Variants in DOCK1 observed in about 807,000 individuals in gnomAD.
DOCK1 encodes dedicator of cytokinesis 1.
DOCK1 carries 138 observed loss-of-function variants against 262.7 expected under a neutral mutation model. The observed-to-expected ratio is 0.53, with a 90% CI of 0.46 to 0.61. The LOEUF (loss-of-function observed/expected upper bound fraction) is 0.61, where lower values mean the gene tolerates loss of function less well. Among genes scored for constraint, DOCK1 ranks in the 20% least tolerant of loss-of-function variants. The probability of loss-of-function intolerance (pLI) is 0.00; values close to 1 mark genes in which losing one functional copy is unlikely to be tolerated. For synonymous variants in DOCK1, 866 were observed against 867.4 expected, an observed-to-expected ratio of 1.00 and a Z score of 0.03; for missense variants, 1,908 against 2,370.7, an observed-to-expected ratio of 0.80 and a Z score of 4.05.
chr10:127,413,039 C>G (rs751547424), intron 43 of DOCK1, among the ~76,000 whole-genome samples: 12 of 152,208 alleles, frequency 7.9e-5, no homozygotes. Context: ...CAGTGGCTTT[C>G]AGAGCAGACT....
At chr10:127,444,330 C>T (rs370306111) in intron 50 of DOCK1, 51 bp downstream of exon 50, 3 of 1,531,540 alleles carry the variant, frequency 2.0e-6, no homozygotes, top group South Asian at 1.3e-5. Flanking sequence ...CCGTGACTTC[C>T]CCTCACTGAA....
At chr10:126,993,823 A>G (rs7922591) in intron 6 of DOCK1, among the ~76,000 whole-genome samples, 8,091 of 152,308 alleles carry the variant, frequency 0.053, 664 homozygotes, top group African/African-American at 0.18. Flanking sequence ...CCAGTGGTAC[A>G]GTGCTTGAGC....
At chr10:127,377,035 T>A (rs2182463) in intron 35 of DOCK1, among the ~76,000 whole-genome samples, 113,585 of 152,178 alleles carry the variant, frequency 0.75, 42,495 homozygotes, top group African/African-American at 0.81. Flanking sequence ...AAACACACCC[T>A]GGGTTCTCAA....
At chr10:127,004,765 C>A (rs1359851864) in intron 10 of DOCK1, among the ~76,000 whole-genome samples, 1 of 66,888 alleles carries the variant, frequency 1.5e-5, no homozygotes, top group Non-Finnish European at 3.3e-5. Context: ...CGGCCCCCTG[C>A]CCCGCCACCC....
intron 23 of DOCK1, among the ~76,000 whole-genome samples, chr10:127,071,332 G>T (rs935503271): frequency 1.3e-5 from 2 of 152,156 alleles, no homozygotes; most frequent in African/African-American, 2.4e-5. Flanking sequence ...AATTAATCAG[G>T]AGAGGTCTGG....
At position 127,107,564 on chromosome 10, in the gene DOCK1, G is replaced by A. The variant is rs992186010; in HGVS notation, c.2516+1263G>A. Among the ~76,000 whole-genome samples the A allele has an allele frequency of 3.9e-5, 6 of 152,162 alleles. 1 individual carries two copies. Among genetic ancestry groups the A allele is most frequent in the South Asian group, 4.1e-4 (2 of 4,830 alleles). ...CGGGCGGTGTCTGCCCACCTGGCGCGCTGTAGAGTCCTCTCCTTGGCACAT... is the reference window on the plus strand; with the variant it reads ...CGGGCGGTGTCTGCCCACCTGGCGCACTGTAGAGTCCTCTCCTTGGCACAT... On this transcript the variant is annotated intron_variant, in intron 24 of 51. Transcript: ENST00000623213.
intron 31 of DOCK1, among the ~76,000 whole-genome samples, chr10:127,349,618 A>G (rs58199146): frequency 0.026 from 4,017 of 152,254 alleles, 176 homozygotes; most frequent in African/African-American, 0.09. Context: ...GGTCTGCCAT[A>G]ACAGTGAACA....
In DOCK1 at chr10:127,358,426, T is replaced by G. The variant is rs767516044; in HGVS notation, c.3284-3638T>G. 2.8e-4 allele frequency among the ~76,000 whole-genome samples: 42 copies of G among 152,350 alleles called. 1 individual carries two copies. Among genetic ancestry groups the G allele is most frequent in the Admixed American group, 1.0e-3 (16 of 15,298 alleles). ...AAAGAAAAAAGGGGGGAAAATGTGC[T>G]TATTTACCCAGCTCCTGAGTTATTT... is the stretch of plus-strand genomic sequence containing the variant. On this transcript the variant is annotated intron_variant, in intron 32 of 51. Transcript: ENST00000623213.
chr10:126,970,320 A>G (rs892489125), intron 1 of DOCK1, among the ~76,000 whole-genome samples: 2 of 152,336 alleles, frequency 1.3e-5, no homozygotes, highest in African/African-American at 4.8e-5. Flanking sequence ...CAACATTGCT[A>G]TATGATAATT....
At position 127,125,488 on chromosome 10, in the gene DOCK1, C is replaced by T; in HGVS notation, c.2638C>T (p.Leu880=). The part of the protein sequence containing the change: ...LFTQHDCREI[L]LPMMTDQLKY... Reference sequence around the variant, plus strand: ...GTCCTGTGTAGACTGCAGAGAGATCCTGCTTCCCATGATGACCGATCAGCT... The same window carrying T: ...GTCCTGTGTAGACTGCAGAGAGATCTTGCTTCCCATGATGACCGATCAGCT... The change falls in exon 26 of 52, where the codon CTG becomes TTG. Residue 880 remains leucine (L), a synonymous_variant. Coordinates refer to ENST00000623213, the MANE Select transcript of DOCK1 (RefSeq NM_001290223.2). 6.2e-7 allele frequency: 1 copy of T among 1,613,358 alleles called. No homozygotes were observed. The highest frequency in any genetic ancestry group is 8.5e-7 in the Non-Finnish European group (1 of 1,179,840).
At chr10:127,182,979 T>C (rs2055875992) in intron 27 of DOCK1, among the ~76,000 whole-genome samples, 1 of 151,950 alleles carries the variant, frequency 6.6e-6, no homozygotes, top group Non-Finnish European at 1.5e-5. Flanking sequence ...CTCCCTTTTT[T>C]AGACTTAGTG....
chr10:127,208,879 G>C (rs2057842902), intron 27 of DOCK1, among the ~76,000 whole-genome samples: 1 of 152,136 alleles, frequency 6.6e-6, no homozygotes, highest in Non-Finnish European at 1.5e-5. Flanking sequence ...CAGTATTTTT[G>C]TGTTGCCTGT....
chr10:126,990,645 A>G (rs1591554786), intron 6 of DOCK1, 42 bp downstream of exon 6: 2 of 1,599,772 alleles, frequency 1.3e-6, no homozygotes, highest in Admixed American at 3.4e-5. Context: ...AAATTATCCA[A>G]TGTAATAACA....
At chr10:126,945,390 C>T (rs2035312976) in intron 1 of DOCK1, among the ~76,000 whole-genome samples, 1 of 151,504 alleles carries the variant, frequency 6.6e-6, no homozygotes, top group South Asian at 2.1e-4. Context: ...GGTTTTGTCA[C>T]AGCAGGTGAG....
At chr10:127,172,038 A>G (rs1169372642) in intron 27 of DOCK1, among the ~76,000 whole-genome samples, 3 of 152,154 alleles carry the variant, frequency 2.0e-5, no homozygotes, top group Admixed American at 2.0e-4. Context: ...ATTTGAGTTC[A>G]TTGTCGTATC....
At chr10:127,410,107 C>T (rs772173615) in intron 42 of DOCK1, among the ~76,000 whole-genome samples, 2 of 152,222 alleles carry the variant, frequency 1.3e-5, no homozygotes, top group Non-Finnish European at 2.9e-5. Context: ...CTTCATTTTG[C>T]TTCCTGAAGT....
chr10:126,947,881 ATGG>A (rs1326534327), intron 1 of DOCK1, among the ~76,000 whole-genome samples: 1 of 49,320 alleles, frequency 2.0e-5, no homozygotes, highest in African/African-American at 1.1e-4. Flanking sequence ...GTTGGTGGTG[ATGG>A]TGGTGGTTGG....
At chr10:127,006,082 T>C (rs2040994322) in intron 10 of DOCK1, among the ~76,000 whole-genome samples, 1 of 152,198 alleles carries the variant, frequency 6.6e-6, no homozygotes, top group African/African-American at 2.4e-5. Flanking sequence ...AGCTACGCAG[T>C]GAGCATCCTG....
At chr10:127,207,772 T>C (rs374196867) in intron 27 of DOCK1, among the ~76,000 whole-genome samples, 9 of 152,168 alleles carry the variant, frequency 5.9e-5, no homozygotes, top group Non-Finnish European at 1.2e-4. Context: ...GTAGAGAATA[T>C]GTAGACAAAT....
Sources: allele counts gnomAD v4.1 joint callset (sites outside exome capture counted in the v4.1 genomes callset), GRCh38; gene constraint gnomAD v4.1.1; transcripts MANE v1.5; gene names NCBI Gene and HGNC (gene_info 2026-07-23, HGNC 2026-07-21).